Variants in SLC24A2 observed in about 807,000 individuals in gnomAD.
SLC24A2 encodes solute carrier family 24 member 2.
In SLC24A2, 36 loss-of-function variants were observed where a neutral mutation model predicts 62.0. That is an observed-to-expected ratio of 0.58 (90% CI 0.44 to 0.77). The LOEUF (loss-of-function observed/expected upper bound fraction) is 0.77, where lower values mean the gene tolerates loss of function less well. Among genes scored for constraint, SLC24A2 ranks in the 30% least tolerant of loss-of-function variants. The pLI is 0.00. For synonymous variants in SLC24A2, 358 were observed against 294.0 expected, an observed-to-expected ratio of 1.22 and a Z score of -2.23; for missense variants, 846 against 817.9, an observed-to-expected ratio of 1.03 and a Z score of -0.42.
At chr9:19,826,074 C>A in the SLC24A2 span, among the ~76,000 whole-genome samples, 1 of 151,210 alleles carries the variant, frequency 6.6e-6, no homozygotes, top group Non-Finnish European at 1.5e-5. Flanking sequence ...AAACAAAATG[C>A]CTGCTCTGAA....
chr9:20,057,187 T>A, the SLC24A2 span, among the ~76,000 whole-genome samples: 3 of 152,248 alleles, frequency 2.0e-5, no homozygotes, highest in East Asian at 5.8e-4. Context: ...AAATTCTCTC[T>A]GAACTACTCA....
the SLC24A2 span, among the ~76,000 whole-genome samples, chr9:20,262,548 G>A: frequency 2.3e-3 from 343 of 152,298 alleles, 1 homozygote; most frequent in South Asian, 6.8e-3. Context: ...TGCTGCCTGC[G>A]TTAAAAGCCC....
At chr9:19,688,355 C>A (rs1393363384) in intron 2 of SLC24A2, among the ~76,000 whole-genome samples, 1 of 151,906 alleles carries the variant, frequency 6.6e-6, no homozygotes, top group Non-Finnish European at 1.5e-5. Flanking sequence ...TGTATTGTGG[C>A]AAAGTACAAT....
At chr9:20,279,167 G>T in the SLC24A2 span, among the ~76,000 whole-genome samples, 5 of 152,220 alleles carry the variant, frequency 3.3e-5, no homozygotes, top group Non-Finnish European at 7.3e-5. Context: ...GACACATGGG[G>T]ATTATGGGAA....
chr9:19,907,207 C>G, the SLC24A2 span, among the ~76,000 whole-genome samples: 54 of 152,298 alleles, frequency 3.5e-4, 1 homozygote, highest in East Asian at 9.6e-3. Context: ...AGCATATAAA[C>G]AGAACCAATG....
At chr9:20,243,798 T>C in the SLC24A2 span, among the ~76,000 whole-genome samples, 1 of 152,174 alleles carries the variant, frequency 6.6e-6, no homozygotes, top group African/African-American at 2.4e-5. Context: ...TGCCTTCCAG[T>C]AGCTTGCCTC....
At chr9:19,621,942 C>G (rs1193803010) in intron 3 of SLC24A2, among the ~76,000 whole-genome samples, 1 of 152,100 alleles carries the variant, frequency 6.6e-6, no homozygotes, top group Non-Finnish European at 1.5e-5. Context: ...CCACACTACC[C>G]CCAAATATTA....
intron 6 of SLC24A2, 60 bp from the exon 7 acceptor site, chr9:19,573,529 C>CACAGAGAGAG (rs1390433234): frequency 7.6e-5 from 33 of 432,630 alleles, no homozygotes; most frequent in East Asian, 6.5e-5. Flanking sequence ...CACACACACA[C>CACAGAGAGAG]AGAGAGAGAG....
chr9:19,772,246 C>T (rs1194257532), intron 2 of SLC24A2, among the ~76,000 whole-genome samples: 3 of 152,176 alleles, frequency 2.0e-5, no homozygotes, highest in Non-Finnish European at 2.9e-5. Context: ...CCCCTGAATC[C>T]TCCTCCAATT....
the SLC24A2 span, among the ~76,000 whole-genome samples, chr9:20,298,346 G>A: frequency 1.3e-5 from 2 of 152,174 alleles, no homozygotes; most frequent in East Asian, 3.9e-4. Flanking sequence ...CTCCTGCCTT[G>A]GCCTCCCAAG....
chr9:19,727,877 TCA>T (rs1821218778), intron 2 of SLC24A2, among the ~76,000 whole-genome samples: 1 of 152,206 alleles, frequency 6.6e-6, no homozygotes, highest in African/African-American at 2.4e-5. Flanking sequence ...TATCTCTTTC[TCA>T]GAGGGGAAAG....
At chr9:19,592,733 C>A (rs528254661) in intron 5 of SLC24A2, among the ~76,000 whole-genome samples, 1 of 152,108 alleles carries the variant, frequency 6.6e-6, no homozygotes, top group South Asian at 2.1e-4. Context: ...AAAAGAGCCA[C>A]GTTCAATTTA....
At chr9:20,188,898 C>T in the SLC24A2 span, among the ~76,000 whole-genome samples, 12 of 152,008 alleles carry the variant, frequency 7.9e-5, no homozygotes, top group Non-Finnish European at 1.3e-4. Flanking sequence ...TTTAAGCTAC[C>T]AAATTTGTAG....
chr9:20,014,215 G>C, the SLC24A2 span, among the ~76,000 whole-genome samples: 2 of 151,882 alleles, frequency 1.3e-5, no homozygotes, highest in Non-Finnish European at 2.9e-5. Context: ...CTCAGCGGGG[G>C]AAAAAAAGAA....
chr9:20,295,053 T>TATATATATATATAC, the SLC24A2 span, among the ~76,000 whole-genome samples: 2 of 144,374 alleles, frequency 1.4e-5, no homozygotes, highest in South Asian at 2.3e-4. Flanking sequence ...TATATATATA[T>TATATATATATATAC]ACACACACAC....
chr9:19,857,602 A>G, the SLC24A2 span, among the ~76,000 whole-genome samples: 2 of 152,120 alleles, frequency 1.3e-5, no homozygotes, highest in Non-Finnish European at 2.9e-5. Context: ...ATTCATAATT[A>G]TTTTACTCTT....
the SLC24A2 span, among the ~76,000 whole-genome samples, chr9:20,236,249 G>T: frequency 6.6e-6 from 1 of 152,206 alleles, no homozygotes; most frequent in Non-Finnish European, 1.5e-5. Context: ...TCTCATCTGA[G>T]ATAGGAAAGC....
the SLC24A2 span, among the ~76,000 whole-genome samples, chr9:19,851,389 A>T: frequency 6.6e-6 from 1 of 152,064 alleles, no homozygotes; most frequent in Admixed American, 6.6e-5. Flanking sequence ...CAGGTTTATT[A>T]CATAGGTAAA....
the SLC24A2 span, among the ~76,000 whole-genome samples, chr9:20,230,584 GT>G: frequency 4.0e-5 from 6 of 150,396 alleles, no homozygotes; most frequent in East Asian, 2.0e-4. Context: ...GGGGTTGTTT[GT>G]TTTTTTCTTG....
Sources: gnomAD v4.1 joint callset for allele counts (sites outside exome capture counted in the v4.1 genomes callset) on GRCh38, gnomAD v4.1.1 for gene constraint, MANE v1.5 for transcripts, NCBI Gene and HGNC (gene_info 2026-07-23, HGNC 2026-07-21) for gene names.